The following ARHGEF4 variants were observed in gnomAD, a reference collection of about 807,000 sequenced individuals.
The protein encoded by ARHGEF4 is APC-stimulated guanine nucleotide exchange factor 1.
ARHGEF4 carries 119 observed loss-of-function variants against 162.0 expected under a neutral mutation model. The ratio of observed to expected loss-of-function variants is 0.73; its 90% CI spans 0.63 to 0.86. The LOEUF (loss-of-function observed/expected upper bound fraction) is 0.86, where lower values mean the gene tolerates loss of function less well. ARHGEF4 is among the 40% of genes least tolerant of loss of function. The pLI is 0.00. For synonymous variants in ARHGEF4, 1,014 were observed against 979.9 expected (o/e 1.03, Z -0.65); for missense variants, 2,488 against 2,456.0 (o/e 1.01, Z -0.28).
rs1461957699 is a variant in ARHGEF4, at chr2:130,872,627, T to C, written c.39+35635T>C. Among the ~76,000 whole-genome samples, 9 of 152,290 alleles carry C rather than the reference T, an allele frequency of 5.9e-5. No individual in the cohort carries two copies. The East Asian group carries it at 1.4e-3, about 23-fold the overall frequency. On this transcript the variant is annotated intron_variant, in intron 1 of 13. Transcript: ENST00000409359. ...CTTTTGTCTGACTTCTGCAAGTCTT[T>C]TAATGGGGTTTCTAAAGAAGTCACT... is the stretch of plus-strand genomic sequence containing the variant.
At chr2:130,968,241 C>A (rs1685126843) in intron 4 of ARHGEF4, among the ~76,000 whole-genome samples, 1 of 152,198 alleles carries the variant, frequency 6.6e-6, no homozygotes, top group Non-Finnish European at 1.5e-5. Context: ...AGGGCCAGTT[C>A]TCCCTTTGGA....
intron 1 of ARHGEF4, among the ~76,000 whole-genome samples, chr2:130,852,437 A>C (rs892690392): frequency 6.6e-6 from 1 of 151,604 alleles, no homozygotes; most frequent in African/African-American, 2.4e-5. Context: ...TTCTGCCTCC[A>C]GGACCTCCAA....
At chr2:130,857,046 C>A (rs1004938414) in intron 1 of ARHGEF4, among the ~76,000 whole-genome samples, 1 of 152,002 alleles carries the variant, frequency 6.6e-6, no homozygotes, top group Non-Finnish European at 1.5e-5. Flanking sequence ...CATGGTGAAA[C>A]CCCGTCTCTA....
chr2:130,838,767 G>T (rs748488493), intron 1 of ARHGEF4, among the ~76,000 whole-genome samples: 1 of 152,192 alleles, frequency 6.6e-6, no homozygotes, highest in Non-Finnish European at 1.5e-5. Context: ...CCCAGGTGAG[G>T]GGAAGATGGC....
intron 4 of ARHGEF4, among the ~76,000 whole-genome samples, chr2:130,998,018 T>A (rs1043696885): frequency 3.3e-5 from 5 of 152,174 alleles, no homozygotes; most frequent in African/African-American, 1.2e-4. Context: ...CTGTGTGTCA[T>A]GAGCCACACC....
intron 4 of ARHGEF4, among the ~76,000 whole-genome samples, chr2:130,969,685 C>G (rs1249204748): frequency 6.6e-6 from 1 of 152,136 alleles, no homozygotes; most frequent in Non-Finnish European, 1.5e-5. Context: ...AAAAGGCACA[C>G]TTTTTGGTGT....
rs551182767 is a variant in ARHGEF4 at position 131,030,181 on chromosome 2, G to T, written c.4125+2097G>T. On this transcript the variant is annotated intron_variant, in intron 5 of 13. Coordinates refer to ENST00000409359, the MANE Select transcript of ARHGEF4 (RefSeq NM_001367493.1). ...GATCTTGTGTCTGCATTTCATAGTT[G>T]TGTGTCTCCTACCTGAGGATAAAAT... 2.3e-3 allele frequency among the ~76,000 whole-genome samples: 351 copies of T among 152,346 alleles called. 1 individual carries two copies. The highest frequency in any genetic ancestry group is 3.9e-3 in the Non-Finnish European group (268 of 68,042).
Position 131,040,302 on chromosome 2 carries a change from C to T in ARHGEF4, c.4524C>T (p.Ser1508=), listed in dbSNP as rs370265883. 8.7e-6 allele frequency: 14 copies of T among 1,612,888 alleles called. No individual in the cohort carries two copies. The highest frequency in any genetic ancestry group is 4.0e-5 in the African/African-American group (3 of 74,922). ...GCCGCAAGCGCGCAGACATGTTCAG[C>T]GAGGAGCAGCTGCGTACCATCTTCG... ...RQCRKRADMF[S]EEQLRTIFGN... The change falls in exon 8 of 14, where the codon AGC becomes AGT. Residue 1508 remains serine, a synonymous_variant. Coordinates refer to ENST00000409359, the MANE Select transcript of ARHGEF4 (RefSeq NM_001367493.1).
intron 5 of ARHGEF4, chr2:131,035,279 C>G: frequency 8.2e-7 from 1 of 1,214,736 alleles, no homozygotes. Context: ...GCGCAGGGCG[C>G]CGCGCCGGGG....
At chr2:131,012,463 T>C (rs1191702179) in intron 4 of ARHGEF4, among the ~76,000 whole-genome samples, 1 of 152,028 alleles carries the variant, frequency 6.6e-6, no homozygotes, top group Non-Finnish European at 1.5e-5. Flanking sequence ...AGACAAAAGA[T>C]ACTGAAGTTG....
chr2:130,930,534 G>T (rs1682568238), intron 2 of ARHGEF4, among the ~76,000 whole-genome samples: 1 of 152,182 alleles, frequency 6.6e-6, no homozygotes, highest in Non-Finnish European at 1.5e-5. Flanking sequence ...TCAGAGTCAA[G>T]CTAGAAGAGG....
intron 1 of ARHGEF4, among the ~76,000 whole-genome samples, chr2:130,912,900 TGA>T (rs369362157): frequency 6.6e-6 from 1 of 152,154 alleles, no homozygotes; most frequent in South Asian, 2.1e-4. Context: ...TAAGATATTT[TGA>T]GAGAGAGAGA....
chr2:131,035,128 G>A (rs1690152365), intron 5 of ARHGEF4: 1 of 1,175,450 alleles, frequency 8.5e-7, no homozygotes. Context: ...CGGCCCCGCG[G>A]CGCCCGGGAA....
In ARHGEF4 at chr2:130,916,280, A is replaced by G. The variant is rs1574222594; in HGVS notation, c.2334A>G (p.Pro778=). The G allele has an allele frequency of 6.5e-7, 1 of 1,528,288 alleles. No individual in the cohort carries two copies. The highest frequency in any genetic ancestry group is 8.8e-7 in the Non-Finnish European group (1 of 1,140,176). The allele number at this position is 1,528,288 out of a possible 1,614,324, so 94.7% of individuals were successfully genotyped here. A position where few individuals can be genotyped will look rare whatever the true frequency, so the allele number is the denominator to read the frequency against. The change falls in exon 2 of 14, where the codon CCA becomes CCG. Residue 778 remains proline, a synonymous_variant. Transcript: ENST00000409359. ...CCGCCTTGGAGCCGCCCCAGCCGCC[A>G]CGCGGGCTCCGCAAGGGCGCGCAGG... ...RVPALEPPQP[P]RGLRKGAQEP...
rs374637641 is a variant in ARHGEF4, at chr2:130,942,176, G to A, written c.3859-4333G>A. ...TCTTTTTTTTTTTTTTTGAGACGGA[G>A]TCTTGCTTTGTCACTCAGGCTGGAG... On this transcript the variant is annotated intron_variant, in intron 3 of 13. Coordinates refer to ENST00000409359, the MANE Select transcript of ARHGEF4 (RefSeq NM_001367493.1). Among the ~76,000 whole-genome samples the A allele has an allele frequency of 9.7e-4, 133 of 137,524 alleles. 1 individual carries two copies. Among genetic ancestry groups the A allele is most frequent in the African/African-American group, 3.8e-3 (132 of 35,050 alleles). 90.2% of individuals were successfully genotyped at this position (137,524 alleles called of 152,430 possible). A position where few individuals can be genotyped will look rare whatever the true frequency, so the allele number is the denominator to read the frequency against.
intron 4 of ARHGEF4, among the ~76,000 whole-genome samples, chr2:130,981,946 G>A (rs747626663): frequency 1.2e-4 from 18 of 152,150 alleles, no homozygotes; most frequent in Admixed American, 2.0e-4. Context: ...ATACAAACAT[G>A]TACACTAAAT....
At chr2:130,935,654 A>T (rs1470723278) in intron 3 of ARHGEF4, among the ~76,000 whole-genome samples, 1 of 151,910 alleles carries the variant, frequency 6.6e-6, no homozygotes, top group Non-Finnish European at 1.5e-5. Context: ...TTCTTCTTTG[A>T]CTCACTGGCT....
chr2:130,884,815 T>A (rs535665044), intron 1 of ARHGEF4, among the ~76,000 whole-genome samples: 1 of 151,990 alleles, frequency 6.6e-6, no homozygotes, highest in South Asian at 2.1e-4. Flanking sequence ...CGGACCCTGC[T>A]GCCTCCTGGA....
intron 1 of ARHGEF4, among the ~76,000 whole-genome samples, chr2:130,903,775 A>G (rs779348959): frequency 6.6e-6 from 1 of 152,288 alleles, no homozygotes; most frequent in Non-Finnish European, 1.5e-5. Context: ...GAGAACATGG[A>G]ATATTCAGTT....
Sources: gnomAD v4.1 joint callset for allele counts (sites outside exome capture counted in the v4.1 genomes callset) on GRCh38, gnomAD v4.1.1 for gene constraint, MANE v1.5 for transcripts, NCBI Gene and HGNC (gene_info 2026-07-23, HGNC 2026-07-21) for gene names.